Variants in IPMK observed in about 807,000 individuals in gnomAD.
IPMK encodes inositol polyphosphate multikinase.
IPMK carries 17 observed loss-of-function variants against 45.8 expected under a neutral mutation model. The observed-to-expected ratio is 0.37, with a 90% CI of 0.25 to 0.56. The LOEUF (loss-of-function observed/expected upper bound fraction) is 0.56, where lower values mean the gene tolerates loss of function less well. Among genes scored for constraint, IPMK ranks in the 20% least tolerant of loss-of-function variants. The pLI is 0.79. For synonymous variants in IPMK, 180 were observed against 184.3 expected (o/e 0.98, Z 0.19); for missense variants, 399 against 498.0 (o/e 0.80, Z 1.89).
At chr10:58,238,509 C>T (rs142291850) in intron 1 of IPMK, among the ~76,000 whole-genome samples, 1,537 of 152,270 alleles carry the variant, frequency 0.01, 22 homozygotes, top group African/African-American at 0.033. Flanking sequence ...CAAATTTATA[C>T]GTCAAAATCT....
intron 2 of IPMK, among the ~76,000 whole-genome samples, chr10:58,234,739 T>C (rs1838581944): frequency 6.6e-6 from 1 of 152,138 alleles, no homozygotes; most frequent in African/African-American, 2.4e-5. Context: ...GCAATACCAT[T>C]CAGGATATAG....
At chr10:58,233,275 T>C (rs1470183307) in intron 2 of IPMK, among the ~76,000 whole-genome samples, 1 of 152,138 alleles carries the variant, frequency 6.6e-6, no homozygotes, top group Non-Finnish European at 1.5e-5. Context: ...CTTCTAAAAC[T>C]ATTCCAATCA....
Position 58,267,544 on chromosome 10 carries a change from G to A in IPMK, c.68C>T (p.Pro23Leu), listed in dbSNP as rs1011968459. 1.9e-6 allele frequency: 3 copies of A among 1,611,440 alleles called. No individual in the cohort carries two copies. Among genetic ancestry groups the A allele is most frequent in the African/African-American group, 1.3e-5 (1 of 74,880 alleles). Residue 23 changes from proline to leucine, a missense_variant, in exon 1 of 6, where the codon CCG becomes CTG. Physicochemically the swap from Pro to Leu is moderately conservative, Grantham distance 98. Coordinates refer to ENST00000373935, the MANE Select transcript of IPMK (RefSeq NM_152230.5). ...GCCCTCAGGGGTGGACTCGATCGCC[G>A]GTGAGGTCCGCATTTCTGGGGGGCC... ...APGPPEMRTS[P>L]AIESTPEGTP...
At chr10:58,208,755 C>A (rs970300575) in intron 4 of IPMK, among the ~76,000 whole-genome samples, 1 of 152,128 alleles carries the variant, frequency 6.6e-6, no homozygotes, top group Non-Finnish European at 1.5e-5. Context: ...GTGGTGTACA[C>A]CTTATTTATT....
At chr10:58,258,550 A>G (rs1343616055) in intron 1 of IPMK, among the ~76,000 whole-genome samples, 3 of 152,180 alleles carry the variant, frequency 2.0e-5, no homozygotes, top group Non-Finnish European at 4.4e-5. Context: ...TCTGACCACA[A>G]TGGAAGTAAC....
At chr10:58,230,491 C>A (rs1192554333) in intron 2 of IPMK, among the ~76,000 whole-genome samples, 1 of 152,176 alleles carries the variant, frequency 6.6e-6, no homozygotes, top group Non-Finnish European at 1.5e-5. Flanking sequence ...TGTTCTGCAA[C>A]ATTTGCTGTT....
chr10:58,218,756 TAAGATA>T (rs1409547684), intron 3 of IPMK, among the ~76,000 whole-genome samples: 2 of 152,324 alleles, frequency 1.3e-5, no homozygotes, highest in East Asian at 3.9e-4. Context: ...CTTTTTATGA[TAAGATA>T]AAGATAAGAG....
At chr10:58,201,527 G>A (rs915237932) in intron 4 of IPMK, among the ~76,000 whole-genome samples, 4 of 152,126 alleles carry the variant, frequency 2.6e-5, no homozygotes, top group Non-Finnish European at 5.9e-5. Context: ...CTGACCAGCT[G>A]TTCCCCCATC....
rs531462600 is a variant in IPMK, at chr10:58,226,327, T to C, written c.373+716A>G. Among the ~76,000 whole-genome samples the C allele has an allele frequency of 3.9e-4, 59 of 152,302 alleles. No individual in the cohort carries two copies. In the South Asian group the frequency reaches 7.0e-3, roughly 18 times the overall value. On this transcript the variant is annotated intron_variant, in intron 3 of 5. Transcript: ENST00000373935. ...ACCCATGGCTTTTATTTAACAGGCATATCACTACACTCCAACATAGACCTG... is the reference window on the plus strand; with the variant it reads ...ACCCATGGCTTTTATTTAACAGGCACATCACTACACTCCAACATAGACCTG...
At chr10:58,197,303 A>ATAAT (rs1241472948) in intron 5 of IPMK, among the ~76,000 whole-genome samples, 7 of 145,992 alleles carry the variant, frequency 4.8e-5, no homozygotes, top group African/African-American at 1.9e-4. Flanking sequence ...CGTCTCAAAA[A>ATAAT]TAAATAAATA....
chr10:58,231,445 A>C (rs961979577), intron 2 of IPMK, among the ~76,000 whole-genome samples: 1 of 152,204 alleles, frequency 6.6e-6, no homozygotes, highest in Admixed American at 6.5e-5. Flanking sequence ...TGAGTTACCC[A>C]CAAAGGGAAG....
chr10:58,230,834 G>A (rs1444306611), intron 2 of IPMK, among the ~76,000 whole-genome samples: 3 of 152,210 alleles, frequency 2.0e-5, no homozygotes, highest in African/African-American at 4.8e-5. Context: ...ACTTTGACGA[G>A]TTGATAGAAG....
chr10:58,266,327 C>T (rs956187008), intron 1 of IPMK, among the ~76,000 whole-genome samples: 1 of 152,164 alleles, frequency 6.6e-6, no homozygotes, highest in Non-Finnish European at 1.5e-5. Context: ...ATAGCATATA[C>T]TCAAATTAAT....
At chr10:58,258,183 GC>G (rs1839001448) in intron 1 of IPMK, among the ~76,000 whole-genome samples, 1 of 152,080 alleles carries the variant, frequency 6.6e-6, no homozygotes, top group African/African-American at 2.4e-5. Context: ...GGTGGTGCGT[GC>G]CTGTAATCCC....
At chr10:58,211,172 G>A (rs1838152739) in intron 4 of IPMK, among the ~76,000 whole-genome samples, 1 of 149,878 alleles carries the variant, frequency 6.7e-6, no homozygotes, top group African/African-American at 2.5e-5. Flanking sequence ...ATGGCTGACA[G>A]GTAACAGTGA....
In IPMK at chr10:58,192,699, A is replaced by G. The variant is rs1837835176; in HGVS notation, c.*3377T>C. 1 of 152,028 alleles carries G rather than the reference A, an allele frequency of 6.6e-6. No homozygotes were observed. Among genetic ancestry groups the G allele is most frequent in the South Asian group, 2.1e-4 (1 of 4,832 alleles). The allele number at this position is 152,028 out of a possible 1,614,324, so 9.4% of individuals were successfully genotyped here. ...TTAATACATGGCATAAATCCAAGGA[A>G]TATTTTTGAATGAACTAAGAAGCCT... On this transcript the variant is annotated 3_prime_UTR_variant, in exon 6 of 6. Coordinates refer to ENST00000373935, the MANE Select transcript of IPMK (RefSeq NM_152230.5).
intron 1 of IPMK, among the ~76,000 whole-genome samples, chr10:58,243,520 C>T (rs932521543): frequency 6.6e-5 from 10 of 152,178 alleles, no homozygotes; most frequent in African/African-American, 2.2e-4. Flanking sequence ...CAGGCACGTG[C>T]CGCCACTCCT....
intron 3 of IPMK, among the ~76,000 whole-genome samples, chr10:58,226,698 C>A (rs1436844162): frequency 6.6e-6 from 1 of 152,044 alleles, no homozygotes; most frequent in Non-Finnish European, 1.5e-5. Flanking sequence ...GGAAGTCATG[C>A]AGAGACAATA....
chr10:58,205,732 C>T (rs866837631), intron 4 of IPMK, among the ~76,000 whole-genome samples: 16 of 152,092 alleles, frequency 1.1e-4, no homozygotes, highest in African/African-American at 2.2e-4. Context: ...GTACAATGTA[C>T]GCTACTCAGG....
Sources: gnomAD v4.1 joint callset for allele counts (sites outside exome capture counted in the v4.1 genomes callset) on GRCh38, gnomAD v4.1.1 for gene constraint, MANE v1.5 for transcripts, NCBI Gene and HGNC (gene_info 2026-07-23, HGNC 2026-07-21) for gene names.